The following RECQL5 variants were observed in gnomAD, a reference collection of about 807,000 sequenced individuals.
The protein encoded by RECQL5 is ATP-dependent DNA helicase Q5.
A neutral mutation model predicts 103.4 loss-of-function variants in RECQL5; 88 were observed. The observed-to-expected ratio is 0.85, with a 90% CI of 0.72 to 1.02. RECQL5 has a LOEUF of 1.02. Among genes scored for constraint, RECQL5 ranks in the 50% least tolerant of loss-of-function variants. RECQL5 has a pLI of 0.00. For synonymous variants in RECQL5, 552 were observed against 507.9 expected (o/e 1.09, Z -1.17); for missense variants, 1,232 against 1,284.3 (o/e 0.96, Z 0.62).
chr17:75,631,062 G>A, intron 10 of RECQL5, 52 bp from the exon 11 acceptor site: 1 of 1,611,868 alleles, frequency 6.2e-7, no homozygotes, highest in South Asian at 1.1e-5. Context: ...CCGCAGGACA[G>A]TCCCATCCAG....
Position 75,662,780 on chromosome 17 carries a change from T to C in RECQL5, c.470A>G (p.Asp157Gly), listed in dbSNP as rs1248650774. The change falls in exon 4 of 20, where the codon GAT (aspartate) becomes GGT (glycine). Residue 157 changes from aspartate to glycine, a missense_variant. Transcript: ENST00000317905. ...CCATTGGGAAACACAATGAGCTTCATCCACCACCAAGTAAGACAGCAGGTG... is the reference window on the plus strand; with the variant it reads ...CCATTGGGAAACACAATGAGCTTCACCCACCACCAAGTAAGACAGCAGGTG... ...SRHLLSYLVV[D>G]EAHCVSQWGH... 1 of 1,614,078 alleles carries C rather than the reference T, an allele frequency of 6.2e-7. No homozygotes were observed. The highest frequency in any genetic ancestry group is 1.1e-5 in the South Asian group (1 of 91,084).
intron 8 of RECQL5, chr17:75,637,567 C>G (rs2059349082): frequency 6.6e-6 from 1 of 152,262 alleles, no homozygotes; most frequent in Admixed American, 6.5e-5. Flanking sequence ...TTCAGTCTGA[C>G]CAGAGGGTTC....
intron 3 of RECQL5, among the ~76,000 whole-genome samples, chr17:75,664,808 G>C (rs1447714651): frequency 6.6e-6 from 1 of 151,726 alleles, no homozygotes; most frequent in African/African-American, 2.4e-5. Flanking sequence ...AGCTATATGG[G>C]GGGCTGAGGC....
intron 8 of RECQL5, chr17:75,639,385 AG>A (rs2059389372): frequency 6.6e-6 from 1 of 152,244 alleles, no homozygotes; most frequent in Non-Finnish European, 1.5e-5. Flanking sequence ...GAGAGGCAGA[AG>A]GGGAAAGCCT....
At chr17:75,661,232 C>A (rs1035919636) in intron 5 of RECQL5, among the ~76,000 whole-genome samples, 166 bp from the exon 6 acceptor site, 2 of 152,212 alleles carry the variant, frequency 1.3e-5, no homozygotes, top group Non-Finnish European at 2.9e-5. Context: ...TGAGCCTCAG[C>A]TGACAGGCAC....
Position 75,640,449 on chromosome 17 carries a change from G to A in RECQL5, c.1230-8781C>T, listed in dbSNP as rs768733932. The A allele has an allele frequency of 4.7e-5, 66 of 1,411,684 alleles. No individual in the cohort carries two copies. Among genetic ancestry groups the A allele is most frequent in the Non-Finnish European group, 6.1e-5 (65 of 1,070,334 alleles). 87.4% of individuals were successfully genotyped at this position (1,411,684 alleles called of 1,614,324 possible). A position where few individuals can be genotyped will look rare whatever the true frequency, so the allele number is the denominator to read the frequency against. ...TCTGCCGGATCAAGGAGGAAAACCA[G>A]TTGTCCCTTGGGGGAAGCCAAGGGA... On this transcript the variant is annotated intron_variant, in intron 8 of 19. Coordinates refer to ENST00000317905, the MANE Select transcript of RECQL5 (RefSeq NM_004259.7). The surrounding 1 kb of genome is among the most constrained non-coding windows in gnomAD (Gnocchi z 4.6).
At chr17:75,630,414 G>A in intron 13 of RECQL5, 137 bp from the exon 14 acceptor site, 1 of 922,360 alleles carries the variant, frequency 1.1e-6, no homozygotes, top group Non-Finnish European at 1.6e-6. Flanking sequence ...AGCACCCTGT[G>A]GCTTACTGTC....
rs547729401 is a variant in RECQL5 at position 75,642,641 on chromosome 17, G to A, written c.1229+8545C>T. On this transcript the variant is annotated intron_variant, in intron 8 of 19. Transcript: ENST00000317905. ...AGAATGATGACGATGATCATGAGGAGGAGGATGAAGATGATGATGAAGATG... is the reference window on the plus strand; with the variant it reads ...AGAATGATGACGATGATCATGAGGAAGAGGATGAAGATGATGATGAAGATG... Among the ~76,000 whole-genome samples, 8 of 152,380 alleles carry A rather than the reference G, an allele frequency of 5.3e-5. No homozygotes were observed. In the East Asian group the frequency reaches 1.5e-3, roughly 29 times the overall value.
intron 7 of RECQL5, among the ~76,000 whole-genome samples, chr17:75,656,238 G>T (rs767698407): frequency 2.6e-5 from 4 of 151,938 alleles, no homozygotes; most frequent in Non-Finnish European, 5.9e-5. Flanking sequence ...CACCACACCT[G>T]GCTAATTTTG....
rs1568282400 is a variant in RECQL5 at position 75,658,461 on chromosome 17, C to CAA, written c.987-2_987-1insTT. 1 of 1,613,222 alleles carries CAA rather than the reference C, an allele frequency of 6.2e-7. No homozygotes were observed. Among genetic ancestry groups the CAA allele is most frequent in the Non-Finnish European group, 8.5e-7 (1 of 1,179,464 alleles). On this transcript the variant is annotated splice_acceptor_variant, in intron 6 of 19. Transcript: ENST00000317905. LOFTEE classifies it high-confidence loss of function. ...GGCAATATTCCAATGGGCGACAAAC[C>CAA]TGTAGGATCCAAAGGGACAAGCAGC...
chr17:75,666,702 TA>T, intron 1 of RECQL5, 131 bp from the exon 2 acceptor site: 1 of 884,490 alleles, frequency 1.1e-6, no homozygotes, highest in South Asian at 1.8e-5. Context: ...TTTTAAGTAA[TA>T]AAGCTGAAGG....
chr17:75,631,495 G>C lies in RECQL5; in HGVS notation c.1403C>G (p.Pro468Arg). ...CTTGCGGCCTCCCTCATACAGCTCGGGGTCAAAGCCGTTCCCCTGGGAGGG... is the reference window on the plus strand; with the variant it reads ...CTTGCGGCCTCCCTCATACAGCTCGCGGTCAAAGCCGTTCCCCTGGGAGGG... ...IGPSQGNGFD[P>R]ELYEGGRKGY... is the part of the protein sequence containing the mutation. Residue 468 changes from proline to arginine, a missense_variant, in exon 9 of 20, where the codon CCC becomes CGC. By Grantham distance (103) the Pro-to-Arg change is moderately radical. Transcript: ENST00000317905. 6.2e-7 allele frequency: 1 copy of C among 1,613,296 alleles called. No individual in the cohort carries two copies. Among genetic ancestry groups the C allele is most frequent in the Non-Finnish European group, 8.5e-7 (1 of 1,179,984 alleles).
Position 75,628,653 on chromosome 17 carries a change from G to C in RECQL5, c.2580+19C>G. The C allele has an allele frequency of 6.3e-7, 1 of 1,577,502 alleles. No homozygotes were observed. Among genetic ancestry groups the C allele is most frequent in the Non-Finnish European group, 8.6e-7 (1 of 1,169,234 alleles). On this transcript the variant is annotated intron_variant, in intron 17 of 19. Coordinates refer to ENST00000317905, the MANE Select transcript of RECQL5 (RefSeq NM_004259.7). ...CACAGCCCTTCTCTCCTCCCCAACAGACTCATCCCTGCCGGCACCTGCTGG... is the reference window on the plus strand; with the variant it reads ...CACAGCCCTTCTCTCCTCCCCAACACACTCATCCCTGCCGGCACCTGCTGG...
intron 3 of RECQL5, 107 bp from the exon 4 acceptor site, chr17:75,663,104 A>C: frequency 9.3e-7 from 1 of 1,079,692 alleles, no homozygotes; most frequent in South Asian, 1.5e-5. Context: ...CCCACCCTCC[A>C]ATATATATTC....
chr17:75,666,572 G>C lies in RECQL5; in HGVS notation c.-14-1C>G, dbSNP rs758738118. On this transcript the variant is annotated splice_acceptor_variant, in intron 1 of 19. Coordinates refer to ENST00000317905, the MANE Select transcript of RECQL5 (RefSeq NM_004259.7). LOFTEE classifies it low-confidence loss of function (5UTR_SPLICE). ...TGGCTGCTCATCTTAGCCAAGAACA[G>C]TGGCCAAAGGTTAAGGCAAAGGTAG... The C allele has an allele frequency of 6.2e-7, 1 of 1,613,390 alleles. No homozygotes were observed. Among genetic ancestry groups the C allele is most frequent in the East Asian group, 2.2e-5 (1 of 44,890 alleles).
intron 8 of RECQL5, chr17:75,633,556 G>T (rs189271589): frequency 1.6e-6 from 2 of 1,275,018 alleles, no homozygotes; most frequent in South Asian, 1.3e-5. Flanking sequence ...GATGCTGAGC[G>T]GCACAAGGGC....
At chr17:75,666,669 A>T in intron 1 of RECQL5, 98 bp from the exon 2 acceptor site, 1 of 1,170,700 alleles carries the variant, frequency 8.5e-7, no homozygotes, top group Non-Finnish European at 1.2e-6. Flanking sequence ...AATTTGCTAT[A>T]TTACACTTAA....
rs200732170 is a variant in RECQL5, at chr17:75,631,193, C to T, written c.1505G>A (p.Arg502Gln). 5.4e-5 allele frequency: 87 copies of T among 1,613,822 alleles called. No homozygotes were observed. The Middle Eastern group carries it at 9.9e-4, about 18-fold the overall frequency. Residue 502 changes from arginine to glutamine, a missense_variant, in exon 10 of 20, where the codon CGG becomes CAG. Arg to Gln is a conservative substitution (Grantham distance 43). Transcript: ENST00000317905. The part of the protein sequence containing the change: ...GDEGRDEAHK[R>Q]EWNLFYQKQM... The stretch of plus-strand genomic sequence containing the variant: ...CTTCTGATAGAAGAGGTTCCACTCC[C>T]GCTTGTGGGCCTCATCTCTGCCTTC...
At chr17:75,628,502 C>A in intron 17 of RECQL5, 60 bp from the exon 18 acceptor site, 1 of 1,572,900 alleles carries the variant, frequency 6.4e-7, no homozygotes, top group Non-Finnish European at 8.7e-7. Flanking sequence ...CTGCTCCCCT[C>A]CTCCAGAAGA....
Sources: gnomAD v4.1 joint callset for allele counts (sites outside exome capture counted in the v4.1 genomes callset) on GRCh38, gnomAD v4.1.1 for gene constraint, Gnocchi (gnomAD v3.1) non-coding constraint, MANE v1.5 for transcripts, NCBI Gene and HGNC (gene_info 2026-07-23, HGNC 2026-07-21) for gene names.